Variants in NRIP1 observed in about 807,000 individuals in gnomAD.
NRIP1 encodes nuclear receptor interacting protein 1, also known as nuclear receptor-interacting protein 1.
NRIP1 carries 28 observed loss-of-function variants against 75.0 expected under a neutral mutation model. That is an observed-to-expected ratio of 0.37 (90% confidence interval 0.28 to 0.51). NRIP1 has a LOEUF of 0.51. Ranked by LOEUF, NRIP1 falls within the 20% of genes least tolerant of loss-of-function variation. NRIP1 has a pLI of 0.92. For synonymous variants in NRIP1, 526 were observed against 487.6 expected (o/e 1.08, Z -1.04); for missense variants, 1,435 against 1,343.7 (o/e 1.07, Z -1.06).
intron 3 of NRIP1, among the ~76,000 whole-genome samples, chr21:14,983,500 A>C (rs2087304102): frequency 6.6e-6 from 1 of 152,246 alleles, no homozygotes; most frequent in Non-Finnish European, 1.5e-5. Flanking sequence ...AAATGCTGAC[A>C]GAAAAGCTCA....
chr21:14,973,295 A>G (rs1303350767), intron 3 of NRIP1, among the ~76,000 whole-genome samples: 2 of 152,142 alleles, frequency 1.3e-5, no homozygotes, highest in East Asian at 3.9e-4. Flanking sequence ...TACTAAGAAC[A>G]AATAAAGGCA....
rs574865321 is a variant in NRIP1, at chr21:14,968,402, G to A, written c.-210C>T. 13 of 530,076 alleles carry A rather than the reference G, an allele frequency of 2.5e-5. No individual in the cohort carries two copies. The highest frequency in any genetic ancestry group is 9.3e-5 in the South Asian group (3 of 32,098). 32.8% of individuals were successfully genotyped at this position (530,076 alleles called of 1,614,324 possible). ...GACCACAGTGCTGATCAACTTCTAC[G>A]CAAGGAGGAGGAGAAGAATTCCTTA... On this transcript the variant is annotated 5_prime_UTR_variant, in exon 4 of 4. Transcript: ENST00000318948.
At chr21:15,046,785 A>G (rs2089088343) in intron 1 of NRIP1, among the ~76,000 whole-genome samples, 1 of 152,216 alleles carries the variant, frequency 6.6e-6, no homozygotes, top group African/African-American at 2.4e-5. Context: ...AGCTTGCTGT[A>G]GCTTCTACAT....
intron 2 of NRIP1, among the ~76,000 whole-genome samples, chr21:15,020,219 T>C (rs897200192): frequency 3.9e-5 from 6 of 152,156 alleles, no homozygotes; most frequent in Admixed American, 1.3e-4. Flanking sequence ...TAAATCTATA[T>C]GGTAACCAAC....
intron 3 of NRIP1, among the ~76,000 whole-genome samples, chr21:15,005,815 C>T (rs1406760825): frequency 6.6e-6 from 1 of 152,082 alleles, no homozygotes; most frequent in African/African-American, 2.4e-5. Context: ...AGCAGACAAT[C>T]ACAAAGAATG....
chr21:14,964,685 A>G lies in NRIP1; in HGVS notation c.*31T>C, dbSNP rs779688534. 1 of 1,470,686 alleles carries G rather than the reference A, an allele frequency of 6.8e-7. No homozygotes were observed. Among genetic ancestry groups the G allele is most frequent in the South Asian group, 1.4e-5 (1 of 71,702 alleles). The allele number at this position is 1,470,686 out of a possible 1,614,324, so 91.1% of individuals were successfully genotyped here. A position where few individuals can be genotyped will look rare whatever the true frequency, so the allele number is the denominator to read the frequency against. Reference sequence around the variant, plus strand: ...CTCAAGTTCATACTCATTAGTTTTAAAAAGATCCAAAACTGGATGGCAGGT... The same window carrying G: ...CTCAAGTTCATACTCATTAGTTTTAGAAAGATCCAAAACTGGATGGCAGGT... On this transcript the variant is annotated 3_prime_UTR_variant, in exon 4 of 4. Coordinates refer to ENST00000318948, the MANE Select transcript of NRIP1 (RefSeq NM_003489.4).
chr21:15,061,258 T>TA (rs2089418165), intron 1 of NRIP1, among the ~76,000 whole-genome samples: 1 of 152,168 alleles, frequency 6.6e-6, no homozygotes, highest in Non-Finnish European at 1.5e-5. Flanking sequence ...TTTTTCCCAG[T>TA]CTTCATCCGT....
In NRIP1 at chr21:15,014,472, C is replaced by G. The variant is rs1467189096; in HGVS notation, c.-457-6G>C. 5 of 398,244 alleles carry G rather than the reference C, an allele frequency of 1.3e-5. No homozygotes were observed. Among genetic ancestry groups the G allele is most frequent in the Admixed American group, 4.4e-5 (1 of 22,706 alleles). 24.7% of individuals were successfully genotyped at this position (398,244 alleles called of 1,614,324 possible). On this transcript the variant is annotated splice_polypyrimidine_tract_variant and splice_region_variant and intron_variant, in intron 2 of 3. Coordinates refer to ENST00000318948, the MANE Select transcript of NRIP1 (RefSeq NM_003489.4). ...TCCTTCAGTCAAGTGTGCATCTTAA[C>G]AAGAGGGAAAAGATAGTTTGGCATC...
At chr21:15,065,169 C>T (rs1978778105), upstream of NRIP1, among the ~76,000 whole-genome samples, 1 of 152,078 alleles carries the variant, frequency 6.6e-6, no homozygotes, top group African/African-American at 2.4e-5. Context: ...GTCACCCGGT[C>T]AGGAGGAAGC....
intron 2 of NRIP1, among the ~76,000 whole-genome samples, chr21:15,022,898 C>T (rs913660716): frequency 2.0e-5 from 3 of 152,142 alleles, no homozygotes; most frequent in Admixed American, 6.5e-5. Context: ...TATTTAGTCA[C>T]AAAAAGGAAT....
At chr21:15,011,919 A>G (rs546680833) in intron 3 of NRIP1, among the ~76,000 whole-genome samples, 1 of 152,324 alleles carries the variant, frequency 6.6e-6, no homozygotes, top group Admixed American at 6.5e-5. Flanking sequence ...ATAGCAAGGG[A>G]AACATGGCCT....
chr21:15,031,265 CTA>C, intron 2 of NRIP1, among the ~76,000 whole-genome samples: 1 of 143,146 alleles, frequency 7.0e-6, no homozygotes, highest in African/African-American at 2.6e-5. Flanking sequence ...CATTCCCTTT[CTA>C]TGTGTATACA....
At chr21:14,974,547 C>A (rs1385569232) in intron 3 of NRIP1, among the ~76,000 whole-genome samples, 2 of 152,164 alleles carry the variant, frequency 1.3e-5, no homozygotes, top group African/African-American at 4.8e-5. Flanking sequence ...CTCTATCAAA[C>A]ACCTGCCTTA....
At chr21:15,048,692 C>T (rs2089139795) in intron 1 of NRIP1, among the ~76,000 whole-genome samples, 1 of 152,096 alleles carries the variant, frequency 6.6e-6, no homozygotes, top group Non-Finnish European at 1.5e-5. Flanking sequence ...GCAAATAAAC[C>T]TCTCTATCCA....
chr21:14,975,603 G>A (rs550389759), intron 3 of NRIP1, among the ~76,000 whole-genome samples: 1 of 123,232 alleles, frequency 8.1e-6, no homozygotes, highest in African/African-American at 3.1e-5. Flanking sequence ...TAGCCTGCGT[G>A]ACAGAATAAG....
intron 3 of NRIP1, among the ~76,000 whole-genome samples, chr21:14,996,295 C>T (rs180865678): frequency 2.6e-4 from 40 of 152,238 alleles, no homozygotes; most frequent in African/African-American, 6.5e-4. Context: ...GCTTGTGGCT[C>T]GTAGCTTCTT....
At chr21:15,002,542 A>C (rs764153636) in intron 3 of NRIP1, among the ~76,000 whole-genome samples, 18 of 152,120 alleles carry the variant, frequency 1.2e-4, no homozygotes, top group Non-Finnish European at 2.1e-4. Flanking sequence ...TACTTCGGTG[A>C]ACTAATTCAT....
chr21:14,977,988 G>A (rs144155202), intron 3 of NRIP1, among the ~76,000 whole-genome samples: 13 of 152,274 alleles, frequency 8.5e-5, no homozygotes, highest in Middle Eastern at 3.4e-3. Flanking sequence ...CACCGGTGAC[G>A]AAAACAGCTG....
chr21:14,981,794 T>A (rs758480073), intron 3 of NRIP1, among the ~76,000 whole-genome samples: 1 of 152,094 alleles, frequency 6.6e-6, no homozygotes, highest in African/African-American at 2.4e-5. Context: ...GATAGAATGA[T>A]GTGTGGAATA....
Sources: gnomAD v4.1 joint callset for allele counts (sites outside exome capture counted in the v4.1 genomes callset) on GRCh38, gnomAD v4.1.1 for gene constraint, MANE v1.5 for transcripts, NCBI Gene and HGNC (gene_info 2026-07-23, HGNC 2026-07-21) for gene names.